Variants in SPDYE18 observed in about 807,000 individuals in gnomAD.
SPDYE18 encodes speedy protein E18.
SPDYE18 carries 6 observed loss-of-function variants against 44.9 expected under a neutral mutation model. The ratio of observed to expected loss-of-function variants is 0.13; its 90% CI spans 0.07 to 0.26. The LOEUF is 0.26. Ranked by LOEUF, SPDYE18 falls within the 10% of genes least tolerant of loss-of-function variation. SPDYE18 has a pLI of 1.00. For synonymous variants in SPDYE18, 35 were observed against 177.1 expected, an observed-to-expected ratio of 0.20 and a Z score of 6.37; for missense variants, 121 against 463.2, an observed-to-expected ratio of 0.26 and a Z score of 6.78.
Position 77,050,903 on chromosome 7 carries a change from A to G in SPDYE18, c.*1022T>C, listed in dbSNP as rs1789776926. Reference sequence around the variant, plus strand: ...TTTAAAGTAATAATAATATTTAAATAAATAAATATATTTAATAAATATTTC... The same window carrying G: ...TTTAAAGTAATAATAATATTTAAATGAATAAATATATTTAATAAATATTTC... On this transcript the variant is annotated 3_prime_UTR_variant, in exon 9 of 9. Transcript: ENST00000510091. 6.7e-6 allele frequency among the ~76,000 whole-genome samples: 1 copy of G among 148,864 alleles called. No homozygotes were observed. The highest frequency in any genetic ancestry group is 1.5e-5 in the Non-Finnish European group (1 of 67,266).
chr7:77,054,201 C>T (rs1417553458), intron 6 of SPDYE18, among the ~76,000 whole-genome samples: 3 of 150,438 alleles, frequency 2.0e-5, no homozygotes, highest in African/African-American at 7.3e-5. Flanking sequence ...GGTGAACTGA[C>T]TTCAAGGAAT....
rs1436454995 is a variant in SPDYE18, at chr7:77,051,829, A to G, written c.*96T>C. 6.6e-6 allele frequency among the ~76,000 whole-genome samples: 1 copy of G among 151,900 alleles called. No homozygotes were observed. Among genetic ancestry groups the G allele is most frequent in the Non-Finnish European group, 1.5e-5 (1 of 68,002 alleles). On this transcript the variant is annotated 3_prime_UTR_variant, in exon 9 of 9. Coordinates refer to ENST00000510091, the MANE Select transcript of SPDYE18 (RefSeq NM_001394953.1). ...CTCTTTCCTGTTGTCTGCCATTAGCATTGGAATAAAGTTCCTGCTGAAAAT... is the reference window on the plus strand; with the variant it reads ...CTCTTTCCTGTTGTCTGCCATTAGCGTTGGAATAAAGTTCCTGCTGAAAAT...
intron 2 of SPDYE18, 115 bp downstream of exon 2, chr7:77,060,238 T>C (rs1163632285): frequency 3.2e-5 from 48 of 1,488,128 alleles, no homozygotes; most frequent in East Asian, 2.7e-4. Context: ...CTCAGGTGAT[T>C]CGCCCGCCTC....
Position 77,053,132 on chromosome 7 carries a change from T to G in SPDYE18, c.827A>C (p.Lys276Thr). 1 of 1,614,204 alleles carries G rather than the reference T, an allele frequency of 6.2e-7. No individual in the cohort carries two copies. Among genetic ancestry groups the G allele is most frequent in the Non-Finnish European group, 8.5e-7 (1 of 1,180,052 alleles). Residue 276 changes from lysine (K) to threonine (T), a missense_variant, in exon 7 of 9, where the codon AAG becomes ACG. Lys to Thr is a moderately conservative substitution (Grantham distance 78). Coordinates refer to ENST00000510091, the MANE Select transcript of SPDYE18 (RefSeq NM_001394953.1). ...GACCAAGGGTATGCGAGAGCGGGTCTTCCCATACAGGAAGTAGAAGATGTT... is the reference window on the plus strand; with the variant it reads ...GACCAAGGGTATGCGAGAGCGGGTCGTCCCATACAGGAAGTAGAAGATGTT... ...KQNIFYFLYG[K>T]TRSRIPLVRN...
chr7:77,051,612 A>G lies in SPDYE18; in HGVS notation c.*313T>C, dbSNP rs1415838324. Among the ~76,000 whole-genome samples the G allele has an allele frequency of 1.3e-5, 2 of 152,272 alleles. No homozygotes were observed. The highest frequency in any genetic ancestry group is 2.9e-5 in the Non-Finnish European group (2 of 68,052). ...GAGGTTGGAATTCAGCAATATAGAAAGGGTGGTGGTGCCGCAGGAAAGGGT... is the reference window on the plus strand; with the variant it reads ...GAGGTTGGAATTCAGCAATATAGAAGGGGTGGTGGTGCCGCAGGAAAGGGT... On this transcript the variant is annotated 3_prime_UTR_variant, in exon 9 of 9. Transcript: ENST00000510091.
chr7:77,052,290 C>A (rs1583972758), intron 8 of SPDYE18, among the ~76,000 whole-genome samples: 1 of 152,008 alleles, frequency 6.6e-6, no homozygotes. Context: ...GAAGCCTAAT[C>A]CTTAATCCTA....
rs1182924304 is a variant in SPDYE18, at chr7:77,050,963, CAT to C, written c.*960_*961del. 4.0e-5 allele frequency among the ~76,000 whole-genome samples: 6 copies of C among 150,950 alleles called. No homozygotes were observed. The highest frequency in any genetic ancestry group is 9.7e-5 in the African/African-American group (4 of 41,442). ...AATAATACTTAAATAATTCTATACC[CAT>C]GTTTTTCAAAATAAACCAATAAATT... On this transcript the variant is annotated 3_prime_UTR_variant, in exon 9 of 9. Coordinates refer to ENST00000510091, the MANE Select transcript of SPDYE18 (RefSeq NM_001394953.1).
At position 77,060,812 on chromosome 7, in the gene SPDYE18, C is replaced by T. The variant is rs918445255; in HGVS notation, c.-300G>A. Among the ~76,000 whole-genome samples, 6 of 150,888 alleles carry T rather than the reference C, an allele frequency of 4.0e-5. No homozygotes were observed. Among genetic ancestry groups the T allele is most frequent in the African/African-American group, 1.5e-4 (6 of 40,946 alleles). On this transcript the variant is annotated 5_prime_UTR_variant, in exon 2 of 9. An upstream start codon of the reference 5' UTR is lost. Coordinates refer to ENST00000510091, the MANE Select transcript of SPDYE18 (RefSeq NM_001394953.1). ...CCAACCTCAGACCATTGTCCAAAAG[C>T]ATCTTCAGGGACTCCACATCCCTGT...
At chr7:77,054,210 A>T (rs1474931362) in intron 6 of SPDYE18, among the ~76,000 whole-genome samples, 1 of 150,502 alleles carries the variant, frequency 6.6e-6, no homozygotes, top group Non-Finnish European at 1.5e-5. Flanking sequence ...ACTTCAAGGA[A>T]TGGGTCCTTC....
chr7:77,059,939 T>C (rs1205548784), intron 2 of SPDYE18, among the ~76,000 whole-genome samples: 1 of 148,490 alleles, frequency 6.7e-6, no homozygotes, highest in African/African-American at 2.5e-5. Flanking sequence ...TGTGAGCCAC[T>C]GCACCCAGCC....
chr7:77,058,501 CTTTTTTTTTT>C (rs1158671945), intron 3 of SPDYE18, among the ~76,000 whole-genome samples: 3 of 56,102 alleles, frequency 5.3e-5, no homozygotes, highest in African/African-American at 1.4e-4. Flanking sequence ...TTCCTTCCTT[CTTTTTTTTTT>C]TTTTTTTTTT....
intron 2 of SPDYE18, among the ~76,000 whole-genome samples, chr7:77,059,801 C>T (rs1789990929): frequency 6.8e-6 from 1 of 147,702 alleles, no homozygotes; most frequent in Non-Finnish European, 1.5e-5. Context: ...AGGTGCCTGC[C>T]ATAATGCCCA....
At position 77,052,623 on chromosome 7, in the gene SPDYE18, G is replaced by A. The variant is rs1789826300; in HGVS notation, c.*45+110C>T. ...CTAATTTTTGTATTTTTGTGGAGAGGGGATCTCGCCACGTTGCCCAGGCTT... is the reference window on the plus strand; with the variant it reads ...CTAATTTTTGTATTTTTGTGGAGAGAGGATCTCGCCACGTTGCCCAGGCTT... On this transcript the variant is annotated intron_variant, in intron 8 of 8. Transcript: ENST00000510091. Among the ~76,000 whole-genome samples the A allele has an allele frequency of 2.0e-5, 3 of 152,400 alleles. No individual in the cohort carries two copies. The South Asian group carries it at 6.2e-4, about 32-fold the overall frequency.
intron 6 of SPDYE18, among the ~76,000 whole-genome samples, chr7:77,054,924 C>T (rs1231595406): frequency 5.3e-5 from 8 of 152,330 alleles, no homozygotes; most frequent in Middle Eastern, 3.4e-3. Flanking sequence ...CACACCACCA[C>T]GCCCAGCTAA....
chr7:77,058,306 G>A (rs1402176318), intron 3 of SPDYE18, among the ~76,000 whole-genome samples: 4 of 72,314 alleles, frequency 5.5e-5, no homozygotes, highest in South Asian at 5.3e-4. Context: ...TCATTTTTGT[G>A]CTTCTAGAAG....
In SPDYE18 at chr7:77,060,508, T is replaced by C. The variant is rs1001570351; in HGVS notation, c.5A>G (p.Asp2Gly). ...CTTACGGAACCTAGTCTTCGTTCTG[T>C]CCATGGCCTTCTTCTGGACACTGCT... MDRTKTRFRKRG... is the reference protein window; with the variant it reads MGRTKTRFRKRG... Residue 2 changes from aspartate to glycine, a missense_variant, in exon 2 of 9, where the codon GAC (aspartate) becomes GGC (glycine). By Grantham distance (94) the Asp-to-Gly change is moderately conservative (BLOSUM62 -1). Coordinates refer to ENST00000510091, the MANE Select transcript of SPDYE18 (RefSeq NM_001394953.1). 9.1e-6 allele frequency: 14 copies of C among 1,535,072 alleles called. No individual in the cohort carries two copies. Among genetic ancestry groups the C allele is most frequent in the Non-Finnish European group, 1.1e-5 (13 of 1,146,782 alleles).
In SPDYE18 at chr7:77,060,831, T is replaced by G. The variant is rs1472527883; in HGVS notation, c.-319A>C. Among the ~76,000 whole-genome samples the G allele has an allele frequency of 2.0e-5, 3 of 151,144 alleles. No individual in the cohort carries two copies. Among genetic ancestry groups the G allele is most frequent in the Non-Finnish European group, 2.9e-5 (2 of 67,830 alleles). On this transcript the variant is annotated 5_prime_UTR_variant, in exon 2 of 9. The change abolishes an upstream ATG in the 5' untranslated region. Transcript: ENST00000510091. ...CAAAAGCATCTTCAGGGACTCCACA[T>G]CCCTGTGTTCCCTGTCCCAGCAGAG... is the stretch of plus-strand genomic sequence containing the variant.
At chr7:77,057,178 C>T (rs1339184356) in intron 4 of SPDYE18, among the ~76,000 whole-genome samples, 8 of 152,286 alleles carry the variant, frequency 5.3e-5, no homozygotes, top group Non-Finnish European at 8.8e-5. Context: ...GCAACCTCTG[C>T]CTCCTGGGTT....
chr7:77,054,348 A>G (rs1233427266), intron 6 of SPDYE18, among the ~76,000 whole-genome samples: 6 of 145,590 alleles, frequency 4.1e-5, no homozygotes, highest in Admixed American at 7.0e-5. Flanking sequence ...GTGTGCTTGT[A>G]GAGATTGTAG....
Sources: allele counts gnomAD v4.1 joint callset (sites outside exome capture counted in the v4.1 genomes callset), GRCh38; gene constraint gnomAD v4.1.1; transcripts MANE v1.5; gene names NCBI Gene and HGNC (gene_info 2026-07-23, HGNC 2026-07-21).